Variants in MAP3K13 observed in about 807,000 individuals in gnomAD.
The protein encoded by MAP3K13 is leucine zipper-bearing kinase.
MAP3K13 carries 52 observed loss-of-function variants against 104.0 expected under a neutral mutation model. The observed-to-expected ratio is 0.50, with a 90% CI of 0.40 to 0.63. MAP3K13 has a LOEUF of 0.63. Among genes scored for constraint, MAP3K13 ranks in the 20% least tolerant of loss-of-function variants. MAP3K13 has a pLI of 0.00. For synonymous variants in MAP3K13, 394 were observed against 442.2 expected, an observed-to-expected ratio of 0.89 and a Z score of 1.37; for missense variants, 914 against 1,218.5, an observed-to-expected ratio of 0.75 and a Z score of 3.72.
chr3:185,473,399 C>G lies in MAP3K13; in HGVS notation c.2068C>G (p.Gln690Glu). Residue 690 changes from glutamine to glutamate, a missense_variant, in exon 11 of 14, where the codon CAG becomes GAG. By Grantham distance (29) the Gln-to-Glu change is conservative. Transcript: ENST00000265026. The surrounding 1 kb of genome is among the most constrained non-coding windows in gnomAD (Gnocchi z 4.9). The stretch of plus-strand genomic sequence containing the variant: ...CCCACTCAGCAACCATGCTCAGAGA[C>G]AGCTGCCCGGCTCGAGCCCTGACCT... ...RSPLSNHAQR[Q>E]LPGSSPDLIS... The G allele has an allele frequency of 6.2e-7, 1 of 1,614,234 alleles. No individual in the cohort carries two copies. The highest frequency in any genetic ancestry group is 8.5e-7 in the Non-Finnish European group (1 of 1,180,038).
rs987812990 is a variant in MAP3K13, at chr3:185,450,446, C to T, written c.1169+388C>T. On this transcript the variant is annotated intron_variant, in intron 6 of 13. Transcript: ENST00000265026. This position sits in a 1 kb window ranked among gnomAD's most constrained non-coding sequence, Gnocchi z 4.2. ...TAGACGTATCTCATAATTACATTTTCCTTTTGCTCTTCAGTATATCAAAAC... is the reference window on the plus strand; with the variant it reads ...TAGACGTATCTCATAATTACATTTTTCTTTTGCTCTTCAGTATATCAAAAC... 6.6e-6 allele frequency among the ~76,000 whole-genome samples: 1 copy of T among 152,106 alleles called. No individual in the cohort carries two copies. The highest frequency in any genetic ancestry group is 1.5e-5 in the Non-Finnish European group (1 of 68,014).
intron 12 of MAP3K13, among the ~76,000 whole-genome samples, chr3:185,479,865 T>C (rs894912425): frequency 8.5e-5 from 13 of 152,164 alleles, no homozygotes; most frequent in African/African-American, 3.1e-4. Flanking sequence ...GCCCCGCACA[T>C]GAATGTTGAA....
In MAP3K13 at chr3:185,458,698, G is replaced by A. The variant is rs145415244; in HGVS notation, c.1279-4852G>A. Among the ~76,000 whole-genome samples, 9 of 152,252 alleles carry A rather than the reference G, an allele frequency of 5.9e-5. No individual in the cohort carries two copies. The East Asian group carries it at 1.5e-3, about 26-fold the overall frequency. On this transcript the variant is annotated intron_variant, in intron 7 of 13. Coordinates refer to ENST00000265026, the MANE Select transcript of MAP3K13 (RefSeq NM_004721.5). ...TCCTGCCTGCTAAGATCCTCTCAACGTCAGTTATCAATCAATAGTTGTTAG... is the reference window on the plus strand; with the variant it reads ...TCCTGCCTGCTAAGATCCTCTCAACATCAGTTATCAATCAATAGTTGTTAG...
At chr3:185,321,076 G>A (rs1721842459) in intron 2 of MAP3K13, among the ~76,000 whole-genome samples, 1 of 151,052 alleles carries the variant, frequency 6.6e-6, no homozygotes, top group Non-Finnish European at 1.5e-5. Context: ...ACACACATAT[G>A]CGTGCACACA....
At chr3:185,421,023 A>G (rs1408563552) in intron 1 of MAP3K13, among the ~76,000 whole-genome samples, 1 of 152,182 alleles carries the variant, frequency 6.6e-6, no homozygotes, top group Non-Finnish European at 1.5e-5. Context: ...AAGGTAGGGA[A>G]AGTGTTCCTC....
chr3:185,380,560 C>G (rs566062005), intron 1 of MAP3K13, among the ~76,000 whole-genome samples: 17 of 151,220 alleles, frequency 1.1e-4, no homozygotes, highest in African/African-American at 4.1e-4. Context: ...CCCAGACATT[C>G]GCAGTCAGAA....
At chr3:185,320,496 T>C (rs539633132) in intron 2 of MAP3K13, among the ~76,000 whole-genome samples, 18 of 152,342 alleles carry the variant, frequency 1.2e-4, no homozygotes, top group Non-Finnish European at 2.2e-4. Context: ...AGAATTACAT[T>C]AGGTTAATAA....
chr3:185,428,586 C>A lies in MAP3K13; in HGVS notation c.5C>A (p.Ala2Asp). 1 of 1,581,782 alleles carries A rather than the reference C, an allele frequency of 6.3e-7. No homozygotes were observed. Among genetic ancestry groups the A allele is most frequent in the South Asian group, 1.2e-5 (1 of 86,620 alleles). Reference sequence around the variant, plus strand: ...TTTGGTTATACTCATGGCACGATGGCCAACTTTCAGGAGCACCTGAGCTGC... The same window carrying A: ...TTTGGTTATACTCATGGCACGATGGACAACTTTCAGGAGCACCTGAGCTGC... M[A>D]NFQEHLSCSS... The change falls in exon 2 of 14, where the codon GCC (alanine) becomes GAC (aspartate). Residue 2 changes from alanine (A) to aspartate (D), a missense_variant. Coordinates refer to ENST00000265026, the MANE Select transcript of MAP3K13 (RefSeq NM_004721.5).
chr3:185,480,044 T>C (rs1257683436), intron 12 of MAP3K13, 188 bp from the exon 13 acceptor site: 2 of 621,198 alleles, frequency 3.2e-6, no homozygotes, highest in South Asian at 2.0e-5. Context: ...TGGAATTTCA[T>C]GGGGGATAAA....
chr3:185,342,207 A>G (rs1021564163), intron 2 of MAP3K13, among the ~76,000 whole-genome samples: 4 of 152,094 alleles, frequency 2.6e-5, no homozygotes, highest in Admixed American at 2.6e-4. Context: ...AGAACCACTC[A>G]CCCATGCTGC....
intron 1 of MAP3K13, among the ~76,000 whole-genome samples, chr3:185,395,643 C>T (rs1712363386): frequency 6.6e-6 from 1 of 151,076 alleles, no homozygotes; most frequent in Non-Finnish European, 1.5e-5. Context: ...CAGGCGTGAG[C>T]CACCGTGCCC....
At chr3:185,415,127 G>A (rs1713672517) in intron 1 of MAP3K13, among the ~76,000 whole-genome samples, 1 of 152,084 alleles carries the variant, frequency 6.6e-6, no homozygotes, top group South Asian at 2.1e-4. Flanking sequence ...CACTTCCCAA[G>A]TGGCATATAT....
intron 2 of MAP3K13, 87 bp downstream of exon 2, chr3:185,429,143 GA>G: frequency 1.6e-6 from 2 of 1,286,574 alleles, no homozygotes; most frequent in Non-Finnish European, 1.1e-6. Flanking sequence ...GATAACCTAT[GA>G]CCTTTGGGCA....
intron 13 of MAP3K13, chr3:185,481,318 C>T (rs1220002782): frequency 6.6e-6 from 1 of 152,052 alleles, no homozygotes; most frequent in Non-Finnish European, 1.5e-5. Flanking sequence ...GCCTCTACAA[C>T]AACAACAACA....
At chr3:185,356,620 C>T (rs1018084386) in intron 2 of MAP3K13, among the ~76,000 whole-genome samples, 1 of 152,186 alleles carries the variant, frequency 6.6e-6, no homozygotes, top group African/African-American at 2.4e-5. Flanking sequence ...TGTTCAGCCC[C>T]CACCCAGCCA....
chr3:185,451,071 C>CA (rs1229955117), intron 6 of MAP3K13, among the ~76,000 whole-genome samples: 8 of 152,146 alleles, frequency 5.3e-5, no homozygotes, highest in Non-Finnish European at 8.8e-5. Flanking sequence ...GCCTGAGTGA[C>CA]AGAGCGAGAC....
chr3:185,346,122 C>T (rs941643829), intron 2 of MAP3K13, among the ~76,000 whole-genome samples: 10 of 152,182 alleles, frequency 6.6e-5, no homozygotes, highest in African/African-American at 2.4e-4. Context: ...TGAACTTATT[C>T]CTTCTAACTG....
At chr3:185,381,571 A>T (rs1724723223) in intron 1 of MAP3K13, among the ~76,000 whole-genome samples, 1 of 152,120 alleles carries the variant, frequency 6.6e-6, no homozygotes, top group Non-Finnish European at 1.5e-5. Flanking sequence ...CCTATTGTAA[A>T]CAACTGTCCT....
intron 8 of MAP3K13, among the ~76,000 whole-genome samples, chr3:185,464,019 C>T (rs1450617417): frequency 1.3e-5 from 2 of 152,226 alleles, no homozygotes; most frequent in Non-Finnish European, 2.9e-5. Flanking sequence ...TGCAGTGGCT[C>T]ACACCTGTAA....
Sources: allele counts gnomAD v4.1 joint callset (sites outside exome capture counted in the v4.1 genomes callset), GRCh38; gene constraint gnomAD v4.1.1; non-coding constraint Gnocchi (gnomAD v3.1); transcripts MANE v1.5; gene names NCBI Gene and HGNC (gene_info 2026-07-23, HGNC 2026-07-21).